The following SH3GL3 variants were observed in gnomAD, a reference collection of about 807,000 sequenced individuals.
SH3GL3 encodes the protein endophilin-A3.
A neutral mutation model predicts 47.7 loss-of-function variants in SH3GL3; 33 were observed. That is an observed-to-expected ratio of 0.69 (90% CI 0.52 to 0.92). SH3GL3 has a LOEUF of 0.92. Ranked by LOEUF, SH3GL3 falls within the 40% of genes least tolerant of loss-of-function variation. SH3GL3 has a pLI of 0.00. For synonymous variants in SH3GL3, 155 were observed against 148.8 expected, an observed-to-expected ratio of 1.04 and a Z score of -0.30; for missense variants, 363 against 417.8, an observed-to-expected ratio of 0.87 and a Z score of 1.14.
chr15:83,495,259 G>T (rs1021433176), intron 1 of SH3GL3, among the ~76,000 whole-genome samples: 1 of 152,122 alleles, frequency 6.6e-6, no homozygotes, highest in African/African-American at 2.4e-5. Context: ...GAACCTTCTT[G>T]TTGACTCAGG....
chr15:83,447,942 G>A lies in SH3GL3; in HGVS notation c.45+364G>A, dbSNP rs1010597401. On this transcript the variant is annotated intron_variant, in intron 1 of 8. Coordinates refer to ENST00000427482, the MANE Select transcript of SH3GL3 (RefSeq NM_003027.5). This position sits in a 1 kb window ranked among gnomAD's most constrained non-coding sequence, Gnocchi z 5.1. Reference sequence around the variant, plus strand: ...ACCACAGGGAGTACGATGCCGGCAGGGCCTCCCCCGAGTCTCCAGCCGTTT... The same window carrying A: ...ACCACAGGGAGTACGATGCCGGCAGAGCCTCCCCCGAGTCTCCAGCCGTTT... Among the ~76,000 whole-genome samples the A allele has an allele frequency of 2.0e-5, 3 of 152,152 alleles. No individual in the cohort carries two copies. Among genetic ancestry groups the A allele is most frequent in the Admixed American group, 2.0e-4 (3 of 15,280 alleles).
In SH3GL3 at chr15:83,487,437, C is replaced by T. The variant is rs573588163; in HGVS notation, c.45+39859C>T. 4.6e-5 allele frequency among the ~76,000 whole-genome samples: 7 copies of T among 152,092 alleles called. No individual in the cohort carries two copies. The South Asian group carries it at 1.5e-3, about 32-fold the overall frequency. On this transcript the variant is annotated intron_variant, in intron 1 of 8. Coordinates refer to ENST00000427482, the MANE Select transcript of SH3GL3 (RefSeq NM_003027.5). The stretch of plus-strand genomic sequence containing the variant: ...TGTTTACTGTTTGATATATTTGCCT[C>T]TTCTGTTTGGTATGTGGACTATTTT...
At chr15:83,609,191 G>A (rs933296242) in intron 8 of SH3GL3, 1 of 444,404 alleles carries the variant, frequency 2.3e-6, no homozygotes, top group Non-Finnish European at 4.5e-6. Context: ...TAGGGGTGCT[G>A]GGAAAGGGAC....
chr15:83,550,461 A>T (rs1268476255), intron 1 of SH3GL3, among the ~76,000 whole-genome samples: 1 of 151,898 alleles, frequency 6.6e-6, no homozygotes, highest in Admixed American at 6.6e-5. Context: ...TGTGATTTCA[A>T]CTCACCGCAC....
intron 1 of SH3GL3, among the ~76,000 whole-genome samples, chr15:83,497,491 T>G (rs74024505): frequency 0.012 from 1,828 of 152,278 alleles, 48 homozygotes; most frequent in African/African-American, 0.042. Flanking sequence ...TGACCCCTTC[T>G]TCCAAACATA....
At chr15:83,490,475 G>C (rs775977933) in intron 1 of SH3GL3, among the ~76,000 whole-genome samples, 1 of 152,116 alleles carries the variant, frequency 6.6e-6, no homozygotes, top group African/African-American at 2.4e-5. Context: ...GTCATGGGTA[G>C]GAAATGTTAT....
intron 2 of SH3GL3, among the ~76,000 whole-genome samples, chr15:83,561,263 A>G (rs17841190): frequency 0.038 from 5,714 of 152,236 alleles, 357 homozygotes; most frequent in African/African-American, 0.13. Flanking sequence ...AAATTTCCCA[A>G]AGTGATTCCA....
chr15:83,616,948 A>C (rs1364374871), intron 8 of SH3GL3, among the ~76,000 whole-genome samples: 1 of 152,240 alleles, frequency 6.6e-6, no homozygotes, highest in African/African-American at 2.4e-5. Context: ...GTCAGTAACT[A>C]AAATTGAAAG....
chr15:83,516,873 C>T (rs371320641), intron 1 of SH3GL3, among the ~76,000 whole-genome samples: 11 of 151,748 alleles, frequency 7.2e-5, no homozygotes, highest in Middle Eastern at 3.2e-3. Context: ...AGGGCCATAT[C>T]GTATCTTTTG....
the SH3GL3 span, among the ~76,000 whole-genome samples, chr15:83,629,683 G>A: frequency 6.7e-4 from 102 of 152,182 alleles, 1 homozygote; most frequent in Middle Eastern, 6.8e-3. Context: ...ATCCAGGTAC[G>A]GTGGCATGCA....
intron 1 of SH3GL3, among the ~76,000 whole-genome samples, chr15:83,487,842 T>C (rs971682135): frequency 6.6e-6 from 1 of 152,030 alleles, no homozygotes; most frequent in East Asian, 1.9e-4. Flanking sequence ...CCATTTTTTT[T>C]TCTTTCTTTT....
At chr15:83,487,220 A>C (rs200333195) in intron 1 of SH3GL3, among the ~76,000 whole-genome samples, 3 of 85,174 alleles carry the variant, frequency 3.5e-5, no homozygotes, top group Non-Finnish European at 7.4e-5. Context: ...TTTTTTTTTT[A>C]TCTTTCTTGT....
intron 1 of SH3GL3, among the ~76,000 whole-genome samples, chr15:83,511,927 C>T (rs549942393): frequency 5.1e-4 from 78 of 152,272 alleles, no homozygotes; most frequent in African/African-American, 1.7e-3. Context: ...GGGAGTTTGA[C>T]ACTTGGAACA....
At chr15:83,535,018 A>G (rs986257930) in intron 1 of SH3GL3, among the ~76,000 whole-genome samples, 5 of 152,332 alleles carry the variant, frequency 3.3e-5, no homozygotes, top group Non-Finnish European at 5.9e-5. Context: ...AATTCTTATA[A>G]TGAAGTCAAA....
downstream of SH3GL3, among the ~76,000 whole-genome samples, chr15:83,623,015 A>G (rs1475133888): frequency 2.0e-5 from 3 of 152,198 alleles, no homozygotes. Context: ...CTTCCTGGAG[A>G]TGGGATCCTA....
intron 1 of SH3GL3, among the ~76,000 whole-genome samples, chr15:83,472,861 G>A (rs2040892906): frequency 6.6e-6 from 1 of 152,126 alleles, no homozygotes; most frequent in African/African-American, 2.4e-5. Flanking sequence ...TCTGGTAGGG[G>A]ACATGGGGGG....
chr15:83,614,645 T>C (rs1166520112), intron 8 of SH3GL3, among the ~76,000 whole-genome samples: 1 of 152,182 alleles, frequency 6.6e-6, no homozygotes, highest in African/African-American at 2.4e-5. Context: ...GTGGGCTGTT[T>C]AGTGTGCCAC....
At chr15:83,587,601 C>T (rs1162405178) in intron 7 of SH3GL3, among the ~76,000 whole-genome samples, 3 of 147,282 alleles carry the variant, frequency 2.0e-5, no homozygotes, top group African/African-American at 7.5e-5. Flanking sequence ...ATAATATTGA[C>T]TAGTATTGAA....
chr15:83,551,614 C>T (rs72760350), intron 1 of SH3GL3, among the ~76,000 whole-genome samples: 6,082 of 152,318 alleles, frequency 0.04, 152 homozygotes, highest in Non-Finnish European at 0.06. Flanking sequence ...CTTTCTGAAA[C>T]TCAGATCTGT....
Sources: allele counts gnomAD v4.1 joint callset (sites outside exome capture counted in the v4.1 genomes callset), GRCh38; gene constraint gnomAD v4.1.1; non-coding constraint Gnocchi (gnomAD v3.1); transcripts MANE v1.5; gene names NCBI Gene and HGNC (gene_info 2026-07-23, HGNC 2026-07-21).